The following NFATC3 variants were observed in gnomAD, a reference collection of about 807,000 sequenced individuals.
The protein encoded by NFATC3 is nuclear factor of activated T cells 3.
NFATC3 carries 46 observed loss-of-function variants against 98.6 expected under a neutral mutation model. That is an observed-to-expected ratio of 0.47 (90% CI 0.37 to 0.60). The LOEUF is 0.60. Among genes scored for constraint, NFATC3 ranks in the 20% least tolerant of loss-of-function variants. The pLI, the probability that NFATC3 is intolerant of heterozygous loss-of-function variation, is 0.00. For synonymous variants in NFATC3, 512 were observed against 472.2 expected (o/e 1.08, Z -1.09); for missense variants, 1,256 against 1,295.5 (o/e 0.97, Z 0.47).
At chr16:68,115,307 C>T (rs1309805272) in intron 1 of NFATC3, among the ~76,000 whole-genome samples, 1 of 152,122 alleles carries the variant, frequency 6.6e-6, no homozygotes, top group Non-Finnish European at 1.5e-5. Flanking sequence ...TGTGATCCAC[C>T]TGCCTCAGCT....
intron 5 of NFATC3, among the ~76,000 whole-genome samples, chr16:68,172,513 A>G (rs1038383882): frequency 1.3e-5 from 2 of 151,884 alleles, no homozygotes; most frequent in Admixed American, 6.6e-5. Flanking sequence ...TGTAATCCCA[A>G]CTCTTTGGGA....
chr16:68,172,088 C>T (rs2039493103), intron 5 of NFATC3, among the ~76,000 whole-genome samples: 1 of 152,148 alleles, frequency 6.6e-6, no homozygotes, highest in African/African-American at 2.4e-5. Context: ...CCACCTCAGC[C>T]TCCCAAAGTG....
intron 1 of NFATC3, among the ~76,000 whole-genome samples, chr16:68,102,921 C>T (rs1350913904): frequency 2.0e-5 from 3 of 152,054 alleles, no homozygotes; most frequent in African/African-American, 7.2e-5. Context: ...GAAATGGTAT[C>T]TCTCTGTGGT....
rs774021129 is a variant in NFATC3, at chr16:68,191,659, T to G, written c.2990T>G (p.Leu997Trp). 16 of 1,613,994 alleles carry G rather than the reference T, an allele frequency of 9.9e-6. No individual in the cohort carries two copies. Among genetic ancestry groups the G allele is most frequent in the Non-Finnish European group, 1.4e-5 (16 of 1,180,026 alleles). The part of the protein sequence containing the change: ...SAPSSLICHS[L>W]CDPASFPPDG... ...CCTTCATCCTTAATATGTCACAGTT[T>G]GTGTGATCCAGCGTCATTTCCACCT... The change falls in exon 9 of 10, where the codon TTG becomes TGG. Residue 997 changes from leucine to tryptophan, a missense_variant. Transcript: ENST00000346183.
chr16:68,204,907 G>A (rs2041081143), intron 9 of NFATC3, among the ~76,000 whole-genome samples: 1 of 151,958 alleles, frequency 6.6e-6, no homozygotes, highest in Admixed American at 6.6e-5. Flanking sequence ...GGCATTACAA[G>A]GTTACCTCTT....
intron 3 of NFATC3, among the ~76,000 whole-genome samples, chr16:68,151,037 G>A (rs2038291551): frequency 6.6e-6 from 1 of 152,116 alleles, no homozygotes; most frequent in African/African-American, 2.4e-5. Context: ...TCTTATAGCA[G>A]TATGAGAATG....
At chr16:68,170,278 C>G (rs1166278850) in intron 5 of NFATC3, among the ~76,000 whole-genome samples, 4 of 149,512 alleles carry the variant, frequency 2.7e-5, no homozygotes, top group Non-Finnish European at 5.9e-5. Context: ...GTAGTCCCAG[C>G]TACTTGGGAG....
At chr16:68,100,299 G>A (rs140020897) in intron 1 of NFATC3, among the ~76,000 whole-genome samples, 1,787 of 152,120 alleles carry the variant, frequency 0.012, 22 homozygotes, top group Middle Eastern at 0.037. Flanking sequence ...CTGCCAGGGT[G>A]TGGTGGCTCA....
At chr16:68,184,501 T>C (rs1450549967) in intron 8 of NFATC3, among the ~76,000 whole-genome samples, 1 of 152,076 alleles carries the variant, frequency 6.6e-6, no homozygotes, top group Admixed American at 6.6e-5. Context: ...TCATGGAGAA[T>C]GTTTGAAATA....
At chr16:68,149,343 T>A (rs1486102227) in intron 3 of NFATC3, among the ~76,000 whole-genome samples, 2 of 152,226 alleles carry the variant, frequency 1.3e-5, no homozygotes. Flanking sequence ...ACTGGTCCAG[T>A]AGAAGAGACC....
intron 1 of NFATC3, among the ~76,000 whole-genome samples, chr16:68,111,879 C>T (rs960215010): frequency 4.2e-4 from 64 of 152,190 alleles, no homozygotes; most frequent in South Asian, 1.0e-3. Flanking sequence ...CTTTCACTTA[C>T]GAAGCTTAAT....
At chr16:68,121,546 C>T (rs919150771) in intron 1 of NFATC3, among the ~76,000 whole-genome samples, 1 of 151,198 alleles carries the variant, frequency 6.6e-6, no homozygotes, top group Non-Finnish European at 1.5e-5. Context: ...TGGCATGTAC[C>T]TGTGTCCCAG....
At chr16:68,165,908 AT>A (rs1463694161) in intron 4 of NFATC3, among the ~76,000 whole-genome samples, 2 of 152,216 alleles carry the variant, frequency 1.3e-5, no homozygotes, top group Non-Finnish European at 2.9e-5. Context: ...TAACAAAGGT[AT>A]TTTGTAGCTT....
chr16:68,167,430 A>C (rs2039247949), intron 5 of NFATC3, among the ~76,000 whole-genome samples: 1 of 152,212 alleles, frequency 6.6e-6, no homozygotes, highest in Non-Finnish European at 1.5e-5. Flanking sequence ...ACTTTAGCTA[A>C]ATAAGACTTA....
At chr16:68,100,472 C>T (rs1474334119) in intron 1 of NFATC3, among the ~76,000 whole-genome samples, 2 of 152,060 alleles carry the variant, frequency 1.3e-5, no homozygotes, top group Non-Finnish European at 2.9e-5. Flanking sequence ...ATTTGGAAGG[C>T]TGAGGCATGA....
chr16:68,121,932 G>C (rs1598400435), intron 1 of NFATC3, 55 bp from the exon 2 acceptor site: 1 of 1,511,670 alleles, frequency 6.6e-7, no homozygotes, highest in East Asian at 2.3e-5. Flanking sequence ...ATACATCTGA[G>C]TTTTCTAATT....
chr16:68,221,808 T>G (rs1423825661), intron 9 of NFATC3: 1 of 157,908 alleles, frequency 6.3e-6, no homozygotes, highest in African/African-American at 2.4e-5. Flanking sequence ...ACAGCAGAGC[T>G]TTGGCAAGGG....
chr16:68,203,055 G>A (rs1260300944), intron 9 of NFATC3, among the ~76,000 whole-genome samples: 1 of 152,080 alleles, frequency 6.6e-6, no homozygotes. Flanking sequence ...GATTCCAGAA[G>A]CTGAAAGGTC....
intron 9 of NFATC3, among the ~76,000 whole-genome samples, chr16:68,193,763 T>C (rs2040543398): frequency 6.6e-6 from 1 of 152,080 alleles, no homozygotes; most frequent in Non-Finnish European, 1.5e-5. Flanking sequence ...AAGCTGTGTA[T>C]AAGTGGACCC....
Sources: gnomAD v4.1 joint callset for allele counts (sites outside exome capture counted in the v4.1 genomes callset) on GRCh38, gnomAD v4.1.1 for gene constraint, MANE v1.5 for transcripts, NCBI Gene and HGNC (gene_info 2026-07-23, HGNC 2026-07-21) for gene names.